PDS5B: variants seen among roughly 807,000 people sequenced by gnomAD.
The protein encoded by PDS5B is sister chromatid cohesion protein PDS5 homolog B.
A neutral mutation model predicts 184.1 loss-of-function variants in PDS5B; 51 were observed. The observed-to-expected ratio is 0.28, with a 90% CI of 0.22 to 0.35. PDS5B has a LOEUF of 0.35. PDS5B is among the 10% of genes least tolerant of loss of function. The pLI, the probability that PDS5B is intolerant of heterozygous loss-of-function variation, is 1.00. For synonymous variants in PDS5B, 566 were observed against 569.2 expected, an observed-to-expected ratio of 0.99 and a Z score of 0.08; for missense variants, 1,180 against 1,723.3, an observed-to-expected ratio of 0.68 and a Z score of 5.58.
At chr13:32,774,363 C>T (rs1168171896) in intron 34 of PDS5B, among the ~76,000 whole-genome samples, 1 of 152,052 alleles carries the variant, frequency 6.6e-6, no homozygotes, top group Admixed American at 6.6e-5. Flanking sequence ...TAATTGTGAC[C>T]TCAAATTAGT....
At chr13:32,755,726 A>T in intron 25 of PDS5B, 116 bp from the exon 26 acceptor site, 1 of 551,762 alleles carries the variant, frequency 1.8e-6, no homozygotes, top group Non-Finnish European at 3.3e-6. Context: ...CAGAAAATAT[A>T]GTACGAAAGA....
chr13:32,716,965 A>G (rs1248321740), intron 19 of PDS5B, among the ~76,000 whole-genome samples: 2 of 88,382 alleles, frequency 2.3e-5, no homozygotes, highest in Non-Finnish European at 4.6e-5. Flanking sequence ...TCCGGGAGGG[A>G]GGTGGGGGGG....
At chr13:32,731,294 T>C (rs751969207) in intron 19 of PDS5B, among the ~76,000 whole-genome samples, 5 of 152,172 alleles carry the variant, frequency 3.3e-5, no homozygotes, top group Non-Finnish European at 7.3e-5. Context: ...GATGTTTGTA[T>C]AATAGTTTAA....
In PDS5B at chr13:32,683,881, A is replaced by G; in HGVS notation, c.1061A>G (p.Tyr354Cys). 6.3e-7 allele frequency: 1 copy of G among 1,584,622 alleles called. No homozygotes were observed. The highest frequency in any genetic ancestry group is 8.6e-7 in the Non-Finnish European group (1 of 1,158,074). Residue 354 changes from tyrosine (Y) to cysteine (C), a missense_variant, in exon 11 of 35, where the codon TAT becomes TGT. Coordinates refer to ENST00000315596, the MANE Select transcript of PDS5B (RefSeq NM_015032.4). ...HPDLAKDLTEYLKVRSHDPEE... is the reference protein window; with the variant it reads ...HPDLAKDLTECLKVRSHDPEE... ...GTAATAAAATGTTATCTTTCAGAGT[A>G]TCTTAAAGTGAGGTCACATGACCCT...
At chr13:32,594,957 C>A (rs2057835937) in intron 1 of PDS5B, among the ~76,000 whole-genome samples, 1 of 152,080 alleles carries the variant, frequency 6.6e-6, no homozygotes, top group Non-Finnish European at 1.5e-5. Flanking sequence ...TAAGTAATTC[C>A]TAGATAAATT....
At chr13:32,764,406 A>G (rs1477386461) in intron 30 of PDS5B, 83 bp from the exon 31 acceptor site, 1 of 772,440 alleles carries the variant, frequency 1.3e-6, no homozygotes, top group African/African-American at 1.8e-5. Context: ...TTTTTCCATA[A>G]ATCTGTAAAG....
intron 33 of PDS5B, among the ~76,000 whole-genome samples, chr13:32,772,012 C>T (rs1420219614): frequency 6.6e-6 from 1 of 151,264 alleles, no homozygotes; most frequent in Non-Finnish European, 1.5e-5. Flanking sequence ...CTTCCTTTCA[C>T]TGGGAAGCTC....
chr13:32,616,302 G>A lies in PDS5B; in HGVS notation c.-20+29709G>A, dbSNP rs968512010. ...ACTCCTGACCTCAGGTGATCCACCC[G>A]CCTTGGCCTCCCAAAATGCTGGGAT... On this transcript the variant is annotated intron_variant, in intron 1 of 34. Transcript: ENST00000315596. Among the ~76,000 whole-genome samples the A allele has an allele frequency of 7.9e-5, 12 of 152,148 alleles. No individual in the cohort carries two copies. In the East Asian group the frequency reaches 9.7e-4, roughly 12 times the overall value.
chr13:32,710,825 A>G (rs1397765456), intron 19 of PDS5B, among the ~76,000 whole-genome samples: 1 of 152,114 alleles, frequency 6.6e-6, no homozygotes, highest in African/African-American at 2.4e-5. Flanking sequence ...CCATGCTTTT[A>G]TATGGAGAAG....
Position 32,689,469 on chromosome 13 carries a change from T to C in PDS5B, c.1469+900T>C, listed in dbSNP as rs572211437. On this transcript the variant is annotated intron_variant, in intron 13 of 34. Transcript: ENST00000315596. ...TTTGTATTATGTATAACTGCTTTTGTGCTACAGTGGAAAAGTAGGTTGCAG... is the reference window on the plus strand; with the variant it reads ...TTTGTATTATGTATAACTGCTTTTGCGCTACAGTGGAAAAGTAGGTTGCAG... 7.2e-5 allele frequency: 11 copies of C among 152,322 alleles called. No homozygotes were observed. In the East Asian group the frequency reaches 2.1e-3, roughly 29 times the overall value. 9.4% of individuals were successfully genotyped at this position (152,322 alleles called of 1,614,324 possible).
intron 19 of PDS5B, among the ~76,000 whole-genome samples, chr13:32,728,944 T>G (rs1484283289): frequency 6.6e-6 from 1 of 152,184 alleles, no homozygotes; most frequent in East Asian, 1.9e-4. Flanking sequence ...TTAAAAAAAT[T>G]AAACGTTGAG....
intron 1 of PDS5B, among the ~76,000 whole-genome samples, chr13:32,587,814 C>T (rs1373090018): frequency 6.6e-6 from 1 of 152,182 alleles, no homozygotes; most frequent in Non-Finnish European, 1.5e-5. Flanking sequence ...ACTGATCCTA[C>T]CCTGTTGATG....
chr13:32,744,127 T>G (rs1363997200), intron 23 of PDS5B, among the ~76,000 whole-genome samples: 1 of 152,214 alleles, frequency 6.6e-6, no homozygotes, highest in Non-Finnish European at 1.5e-5. Flanking sequence ...CTACCATTTA[T>G]CAGCTGCTTT....
chr13:32,627,013 C>T (rs889307304), intron 1 of PDS5B, among the ~76,000 whole-genome samples: 8 of 151,810 alleles, frequency 5.3e-5, no homozygotes, highest in Non-Finnish European at 1.5e-5. Flanking sequence ...CTATCTAGCA[C>T]TTTTTTTTAT....
intron 31 of PDS5B, among the ~76,000 whole-genome samples, chr13:32,769,235 T>A (rs1352648106): frequency 4.0e-4 from 61 of 152,200 alleles, no homozygotes; most frequent in Non-Finnish European, 8.8e-5. Context: ...ACCGCAGTAG[T>A]CAAAGTTGAC....
At chr13:32,720,648 A>T (rs997952194) in intron 19 of PDS5B, among the ~76,000 whole-genome samples, 26 of 150,390 alleles carry the variant, frequency 1.7e-4, no homozygotes, top group Admixed American at 6.6e-4. Context: ...TTTTTTTAAA[A>T]TTTTTTTAGT....
chr13:32,745,916 A>T, intron 23 of PDS5B, 61 bp from the exon 24 acceptor site: 1 of 1,343,784 alleles, frequency 7.4e-7, no homozygotes, highest in Non-Finnish European at 1.0e-6. Context: ...AATTAGATGT[A>T]CAGAAGATTT....
intron 33 of PDS5B, chr13:32,771,012 A>C: frequency 2.7e-6 from 1 of 371,338 alleles, no homozygotes. Context: ...AGACTTTATG[A>C]TATCTAAAGA....
intron 1 of PDS5B, among the ~76,000 whole-genome samples, chr13:32,612,815 C>T (rs1474931695): frequency 6.6e-6 from 1 of 152,104 alleles, no homozygotes; most frequent in African/African-American, 2.4e-5. Context: ...AGACGCTGGC[C>T]CCTCAATCTT....
Sources: gnomAD v4.1 joint callset for allele counts (sites outside exome capture counted in the v4.1 genomes callset) on GRCh38, gnomAD v4.1.1 for gene constraint, MANE v1.5 for transcripts, NCBI Gene and HGNC (gene_info 2026-07-23, HGNC 2026-07-21) for gene names.